The following MCM3AP variants were observed in gnomAD, a reference collection of about 807,000 sequenced individuals.
MCM3AP encodes minichromosome maintenance complex component 3 associated protein.
In MCM3AP, 126 loss-of-function variants were observed where a neutral mutation model predicts 184.1. That is an observed-to-expected ratio of 0.68 (90% CI 0.59 to 0.79). The LOEUF is 0.79. MCM3AP is among the 30% of genes least tolerant of loss of function. MCM3AP has a pLI of 0.00. For missense variants in MCM3AP, 2,496 were observed against 2,479.2 expected (o/e 1.01, Z -0.14); for synonymous variants, 1,002 against 979.3 (o/e 1.02, Z -0.43).
chr21:46,266,920 T>C (rs35433165), intron 10 of MCM3AP, 62 bp downstream of exon 10: 58 of 1,572,044 alleles, frequency 3.7e-5, no homozygotes, highest in Non-Finnish European at 4.7e-5. Context: ...TTCACAGCCC[T>C]TCATCAGAAT....
chr21:46,237,035 G>T (rs1367606903), intron 26 of MCM3AP, 56 bp from the exon 27 acceptor site: 5 of 1,091,140 alleles, frequency 4.6e-6, no homozygotes, highest in Non-Finnish European at 5.0e-6. Flanking sequence ...GTTAACTATT[G>T]TTCATTAATC....
At position 46,266,025 on chromosome 21, in the gene MCM3AP, A is replaced by G. The variant is rs2839181; in HGVS notation, c.2931T>C (p.His977=). The change falls in exon 11 of 28, where the codon CAT becomes CAC. Residue 977 remains histidine, a synonymous_variant. Transcript: ENST00000291688. The part of the protein sequence containing the change: ...NGGPLPPVPR[H]TPVCSFNSQN... ...GGGAGTTGAAGCTGCACACAGGGGTATGACGAGGGACGGGGGGCAATGGCC... is the reference window on the plus strand; with the variant it reads ...GGGAGTTGAAGCTGCACACAGGGGTGTGACGAGGGACGGGGGGCAATGGCC... The G allele has an allele frequency of 0.46, 739,601 of 1,610,844 alleles. 171,754 individuals carry two copies. Among genetic ancestry groups the G allele is most frequent in the Admixed American group, 0.54 (32,416 of 59,808 alleles).
intron 9 of MCM3AP, among the ~76,000 whole-genome samples, chr21:46,268,333 A>G (rs562047939): frequency 2.0e-5 from 3 of 152,362 alleles, no homozygotes; most frequent in South Asian, 4.1e-4. Flanking sequence ...TAATTCAACC[A>G]ACACTGATCA....
At chr21:46,263,415 G>A (rs1039132433) in intron 13 of MCM3AP, among the ~76,000 whole-genome samples, 1 of 152,024 alleles carries the variant, frequency 6.6e-6, no homozygotes, top group Non-Finnish European at 1.5e-5. Context: ...AAGCATTGTC[G>A]AAAGAAATTA....
At chr21:46,282,307 G>A (rs2081343390) in intron 2 of MCM3AP, among the ~76,000 whole-genome samples, 1 of 152,070 alleles carries the variant, frequency 6.6e-6, no homozygotes, top group Non-Finnish European at 1.5e-5. Flanking sequence ...TAGCCAAAAA[G>A]TAGAAACAAC....
At chr21:46,280,701 C>T (rs1044798276) in intron 2 of MCM3AP, 126 bp from the exon 3 acceptor site, 5 of 653,496 alleles carry the variant, frequency 7.7e-6, no homozygotes, top group African/African-American at 3.6e-5. Context: ...GTCCTTTGCA[C>T]GACAGTGATT....
chr21:46,267,073 G>C lies in MCM3AP; in HGVS notation c.2698C>G (p.Pro900Ala). The C allele has an allele frequency of 6.2e-6, 10 of 1,614,078 alleles. No homozygotes were observed. The highest frequency in any genetic ancestry group is 8.5e-6 in the Non-Finnish European group (10 of 1,179,910). The change falls in exon 10 of 28, where the codon CCC becomes GCC. Residue 900 changes from proline to alanine, a missense_variant. Physicochemically the swap from Pro to Ala is conservative, Grantham distance 27. Around this residue, in one of 5 missense-constraint regions of MCM3AP, gnomAD observed 138 missense variants for 191.9 expected, o/e 0.72. Transcript: ENST00000291688. ...AGCATGCGCACCACACCATCCAGGG[G>C]AAAGATGGTAGATCGCTGTGTGCTC... ...TVSTQRSTIFPLDGVVRMLLF... is the reference protein window; with the variant it reads ...TVSTQRSTIFALDGVVRMLLF...
rs17182941 is a variant in MCM3AP at position 46,260,910 on chromosome 21, C to T, written c.3468-4G>A. On this transcript the variant is annotated splice_region_variant and splice_polypyrimidine_tract_variant and intron_variant, in intron 14 of 27. Transcript: ENST00000291688. ...CAGCTCTCTCTCTTGTTTCAACCTA[C>T]AGGGAAGAGAAAAAATACACAAGGG... 940 of 1,596,002 alleles carry T rather than the reference C, an allele frequency of 5.9e-4. 7 individuals are homozygous for T. In the African/African-American group the frequency reaches 0.012, roughly 20 times the overall value.
chr21:46,275,328 A>C lies in MCM3AP; in HGVS notation c.1859-3T>G. 1 of 1,611,266 alleles carries C rather than the reference A, an allele frequency of 6.2e-7. No individual in the cohort carries two copies. Among genetic ancestry groups the C allele is most frequent in the South Asian group, 1.1e-5 (1 of 90,580 alleles). On this transcript the variant is annotated splice_polypyrimidine_tract_variant and splice_region_variant and intron_variant, in intron 5 of 27. Transcript: ENST00000291688. Reference sequence around the variant, plus strand: ...CAGATCGGTTCTCTTCACCCGAGCTAAATGACGTCAAGTAAAAGGTAAGAA... The same window carrying C: ...CAGATCGGTTCTCTTCACCCGAGCTCAATGACGTCAAGTAAAAGGTAAGAA...
At chr21:46,274,733 C>T (rs17182711) in intron 6 of MCM3AP, among the ~76,000 whole-genome samples, 182 of 151,864 alleles carry the variant, frequency 1.2e-3, no homozygotes, top group Middle Eastern at 0.01. Flanking sequence ...CTTAGGAGTT[C>T]GGGACCAGCC....
intron 27 of MCM3AP, 82 bp from the exon 28 acceptor site, chr21:46,235,508 TC>T: frequency 8.2e-7 from 1 of 1,225,288 alleles, no homozygotes; most frequent in Non-Finnish European, 1.2e-6. Flanking sequence ...TAGATCTGGA[TC>T]ATGTTAGAAA....
chr21:46,263,222 C>T (rs577798400), intron 13 of MCM3AP, among the ~76,000 whole-genome samples: 10 of 151,586 alleles, frequency 6.6e-5, no homozygotes, highest in Non-Finnish European at 1.2e-4. Context: ...CCCAGCTACT[C>T]GGGAGGCTGA....
chr21:46,280,150 G>A lies in MCM3AP; in HGVS notation c.1523-13C>T, dbSNP rs1252595298. 1 of 1,613,666 alleles carries A rather than the reference G, an allele frequency of 6.2e-7. No individual in the cohort carries two copies. ...TTCTTATTGGGGCCTGTGGACATAG[G>A]AGGCAGAAAAGAGTTTATGCAATCA... is the stretch of plus-strand genomic sequence containing the variant. On this transcript the variant is annotated splice_polypyrimidine_tract_variant and intron_variant, in intron 3 of 27. Coordinates refer to ENST00000291688, the MANE Select transcript of MCM3AP (RefSeq NM_003906.5).
Position 46,236,815 on chromosome 21 carries a change from T to C in MCM3AP, c.5784+14A>G. On this transcript the variant is annotated intron_variant, in intron 27 of 27. Coordinates refer to ENST00000291688, the MANE Select transcript of MCM3AP (RefSeq NM_003906.5). ...AATTCTTATGTAAATGCCAAATGTATACGTTCTTCTCACCTGTGGGCTAGT... is the reference window on the plus strand; with the variant it reads ...AATTCTTATGTAAATGCCAAATGTACACGTTCTTCTCACCTGTGGGCTAGT... The C allele has an allele frequency of 2.0e-6, 3 of 1,523,536 alleles. No homozygotes were observed. Among genetic ancestry groups the C allele is most frequent in the South Asian group, 1.3e-5 (1 of 75,152 alleles). The allele number at this position is 1,523,536 out of a possible 1,614,324, so 94.4% of individuals were successfully genotyped here.
In MCM3AP at chr21:46,283,857, G is replaced by T; in HGVS notation, c.1220-19C>A. 3 of 1,599,128 alleles carry T rather than the reference G, an allele frequency of 1.9e-6. No individual in the cohort carries two copies. The highest frequency in any genetic ancestry group is 2.6e-6 in the Non-Finnish European group (3 of 1,168,276). ...AGAGAATCTAGGGGTTCAGAGAATG[G>T]ACACTTAAACCATCAGATGTTTCCA... On this transcript the variant is annotated intron_variant, in intron 1 of 27. Transcript: ENST00000291688.
In MCM3AP at chr21:46,240,833, G is replaced by A. The variant is rs2080648855; in HGVS notation, c.5611C>T (p.Leu1871=). 6.2e-7 allele frequency: 1 copy of A among 1,614,172 alleles called. No homozygotes were observed. Among genetic ancestry groups the A allele is most frequent in the Non-Finnish European group, 8.5e-7 (1 of 1,180,040 alleles). The change falls in exon 26 of 28, where the codon CTG becomes TTG. Residue 1871 remains leucine (L), a synonymous_variant. Transcript: ENST00000291688. ...CACCTCTTGTTCTCTTCTTTCTCCA[G>A]CAGCAGACTGCTCGACAAACACTGC... ...LAQCLSSSLL[L]EKEENKRFED...
chr21:46,254,616 G>A, intron 18 of MCM3AP, 90 bp from the exon 19 acceptor site: 9 of 1,531,286 alleles, frequency 5.9e-6, no homozygotes, highest in Non-Finnish European at 7.2e-6. Flanking sequence ...GGGGCAGGTT[G>A]GAGGAAAATC....
rs763981290 is a variant in MCM3AP at position 46,254,349 on chromosome 21, A to C, written c.4136+43T>G. The C allele has an allele frequency of 3.7e-6, 6 of 1,611,706 alleles. No homozygotes were observed. In the East Asian group the frequency reaches 1.3e-4, roughly 36 times the overall value. ...CCTGGCCCACAACCCTGCCCTGCCCACTCCACCTCTTGGAAACCCCACAGG... is the reference window on the plus strand; with the variant it reads ...CCTGGCCCACAACCCTGCCCTGCCCCCTCCACCTCTTGGAAACCCCACAGG... On this transcript the variant is annotated intron_variant, in intron 19 of 27. Transcript: ENST00000291688.
intron 19 of MCM3AP, 199 bp from the exon 20 acceptor site, chr21:46,251,881 CTTTT>C (rs754670172): frequency 4.9e-3 from 619 of 127,506 alleles, no homozygotes; most frequent in South Asian, 0.013. Flanking sequence ...TGTACTCGTT[CTTTT>C]TTTTTTTTTT....
Sources: gnomAD v4.1 joint callset for allele counts (sites outside exome capture counted in the v4.1 genomes callset) on GRCh38, gnomAD v4.1.1 for gene constraint, gnomAD v4.1.1 regional missense constraint, MANE v1.5 for transcripts, NCBI Gene and HGNC (gene_info 2026-07-23, HGNC 2026-07-21) for gene names.